The following LRP12 variants were observed in gnomAD, a reference collection of about 807,000 sequenced individuals.
LRP12 encodes the protein low-density lipoprotein receptor-related protein 12.
LRP12 carries 14 observed loss-of-function variants against 66.0 expected under a neutral mutation model. The observed-to-expected ratio is 0.21, with a 90% CI of 0.14 to 0.33. The LOEUF (loss-of-function observed/expected upper bound fraction) is 0.33. Among genes scored for constraint, LRP12 ranks in the 10% least tolerant of loss-of-function variants. The pLI, the probability that LRP12 is intolerant of heterozygous loss-of-function variation, is 1.00. For missense variants in LRP12, 889 were observed against 1,053.4 expected (o/e 0.84, Z 2.16); for synonymous variants, 357 against 359.1 (o/e 0.99, Z 0.07).
chr8:104,492,773 G>T (rs1016008376), intron 6 of LRP12, among the ~76,000 whole-genome samples: 1 of 151,672 alleles, frequency 6.6e-6, no homozygotes, highest in Non-Finnish European at 1.5e-5. Flanking sequence ...TAAGAAATTT[G>T]GATATCAGCA....
intron 3 of LRP12, chr8:104,508,089 G>A (rs927641317): frequency 1.3e-5 from 2 of 152,132 alleles, no homozygotes; most frequent in Admixed American, 6.5e-5. Context: ...AGGTGCCTTT[G>A]TGCTACACTG....
chr8:104,571,033 A>G (rs1812072940), intron 1 of LRP12, among the ~76,000 whole-genome samples: 1 of 152,218 alleles, frequency 6.6e-6, no homozygotes, highest in Non-Finnish European at 1.5e-5. Flanking sequence ...TATCCCTTCT[A>G]GAATGACAAA....
chr8:104,544,221 A>G (rs1231856094), intron 1 of LRP12, among the ~76,000 whole-genome samples: 2 of 152,206 alleles, frequency 1.3e-5, no homozygotes, highest in Non-Finnish European at 2.9e-5. Context: ...CAATTCTACG[A>G]AGGCTGAGAG....
intron 1 of LRP12, among the ~76,000 whole-genome samples, chr8:104,579,561 C>T (rs544801012): frequency 6.6e-6 from 1 of 152,246 alleles, no homozygotes; most frequent in South Asian, 2.1e-4. Flanking sequence ...ACATTCTTCA[C>T]AGAACTAGAA....
At chr8:104,539,908 A>AT (rs140544669) in intron 1 of LRP12, among the ~76,000 whole-genome samples, 6,167 of 152,102 alleles carry the variant, frequency 0.041, 188 homozygotes, top group South Asian at 0.075. Flanking sequence ...GCAAATACAT[A>AT]TTTTTTTACT....
chr8:104,520,847 A>T (rs923357057), intron 2 of LRP12, among the ~76,000 whole-genome samples: 1 of 152,112 alleles, frequency 6.6e-6, no homozygotes, highest in African/African-American at 2.4e-5. Flanking sequence ...TCAACTTTGA[A>T]GAGTTATTCC....
Position 104,498,049 on chromosome 8 carries a change from C to A in LRP12, c.503G>T (p.Cys168Phe), listed in dbSNP as rs1810766324. Residue 168 changes from cysteine to phenylalanine, a missense_variant, in exon 5 of 7, where the codon TGT (cysteine) becomes TTT (phenylalanine). Cys to Phe is a radical substitution (Grantham distance 205, BLOSUM62 -2). Coordinates refer to ENST00000276654, the MANE Select transcript of LRP12 (RefSeq NM_013437.5). The part of the protein sequence containing the change: ...SGKSEEPNCA[C>F]DQFRCGNGKC... Reference sequence around the variant, plus strand: ...TCCATTACCACAACGAAACTGATCACAAGCACAATTTGGTTCCTCAGATTT... The same window carrying A: ...TCCATTACCACAACGAAACTGATCAAAAGCACAATTTGGTTCCTCAGATTT... The A allele has an allele frequency of 6.2e-7, 1 of 1,603,266 alleles. No homozygotes were observed. Among genetic ancestry groups the A allele is most frequent in the Non-Finnish European group, 8.5e-7 (1 of 1,174,020 alleles).
Position 104,497,088 on chromosome 8 carries a change from G to T in LRP12, c.1464C>A (p.Ile488=), listed in dbSNP as rs374156222. The T allele has an allele frequency of 1.2e-6, 2 of 1,613,464 alleles. No individual in the cohort carries two copies. Among genetic ancestry groups the T allele is most frequent in the African/African-American group, 2.7e-5 (2 of 74,896 alleles). Residue 488 remains isoleucine, a synonymous_variant, in exon 5 of 7, where the codon ATC becomes ATA. Coordinates refer to ENST00000276654, the MANE Select transcript of LRP12 (RefSeq NM_013437.5). This position sits in a 1 kb window ranked among gnomAD's most constrained non-coding sequence, Gnocchi z 4.3. ...DGSDEENCPV[I]VPTRVITAAV... The stretch of plus-strand genomic sequence containing the variant: ...CAGCAGTGATGACTCTTGTAGGCAC[G>T]ATTACTGGGCAATTTTCTTCATCGC...
chr8:104,504,254 G>A (rs1022725229), intron 3 of LRP12: 17 of 151,724 alleles, frequency 1.1e-4, no homozygotes, highest in African/African-American at 4.1e-4. Context: ...TTTTTCTTCA[G>A]TTTTGCTTTG....
intron 2 of LRP12, among the ~76,000 whole-genome samples, chr8:104,512,992 T>C (rs982209250): frequency 6.6e-6 from 1 of 152,190 alleles, no homozygotes; most frequent in Non-Finnish European, 1.5e-5. Context: ...AATATATATA[T>C]TGATTTAGTT....
chr8:104,580,364 A>T (rs535776789), intron 1 of LRP12, among the ~76,000 whole-genome samples: 211 of 151,104 alleles, frequency 1.4e-3, no homozygotes, highest in Non-Finnish European at 2.2e-3. Context: ...AAAATAAAAA[A>T]AAAAAAAAAA....
chr8:104,542,627 C>A (rs1018924678), intron 1 of LRP12, among the ~76,000 whole-genome samples: 1 of 152,126 alleles, frequency 6.6e-6, no homozygotes, highest in Non-Finnish European at 1.5e-5. Flanking sequence ...AGTCAAAAAT[C>A]TGCATATAAC....
At chr8:104,552,007 A>T (rs536815353) in intron 1 of LRP12, among the ~76,000 whole-genome samples, 49 of 152,334 alleles carry the variant, frequency 3.2e-4, no homozygotes, top group African/African-American at 1.1e-3. Context: ...AAGTAAGAGG[A>T]GAGAAGGAAA....
chr8:104,567,813 C>G (rs554019720), intron 1 of LRP12, among the ~76,000 whole-genome samples: 2 of 152,234 alleles, frequency 1.3e-5, no homozygotes, highest in Non-Finnish European at 1.5e-5. Context: ...GTTTATCAGT[C>G]AGAAGGATTA....
intron 2 of LRP12, among the ~76,000 whole-genome samples, chr8:104,527,220 T>C (rs1214433329): frequency 8.3e-5 from 12 of 143,770 alleles, no homozygotes; most frequent in East Asian, 3.9e-4. Context: ...AGGAACACTT[T>C]TACACTGTTG....
intron 3 of LRP12, 124 bp downstream of exon 3, chr8:104,508,815 C>T (rs918403013): frequency 5.0e-6 from 4 of 799,682 alleles, no homozygotes; most frequent in Non-Finnish European, 7.7e-6. Flanking sequence ...TAGCTAATAG[C>T]TGTTCTTTAT....
At chr8:104,582,421 T>C (rs1377003470) in intron 1 of LRP12, among the ~76,000 whole-genome samples, 1 of 152,206 alleles carries the variant, frequency 6.6e-6, no homozygotes, top group Non-Finnish European at 1.5e-5. Flanking sequence ...AAATCTGCTC[T>C]GAAATTCACC....
chr8:104,525,706 C>A (rs1259205830), intron 2 of LRP12, among the ~76,000 whole-genome samples: 1 of 152,104 alleles, frequency 6.6e-6, no homozygotes, highest in Admixed American at 6.6e-5. Flanking sequence ...AGAGCTATGA[C>A]AAACCCACAG....
intron 1 of LRP12, among the ~76,000 whole-genome samples, chr8:104,550,586 A>C (rs1811710800): frequency 6.6e-6 from 1 of 152,104 alleles, no homozygotes; most frequent in Non-Finnish European, 1.5e-5. Flanking sequence ...CCAGTTGTTC[A>C]AGTAGGAACC....
Sources: gnomAD v4.1 joint callset for allele counts (sites outside exome capture counted in the v4.1 genomes callset) on GRCh38, gnomAD v4.1.1 for gene constraint, Gnocchi (gnomAD v3.1) non-coding constraint, MANE v1.5 for transcripts, NCBI Gene and HGNC (gene_info 2026-07-23, HGNC 2026-07-21) for gene names.